RGS6: variants seen among roughly 807,000 people sequenced by gnomAD.
The protein encoded by RGS6 is regulator of G-protein signaling 6.
Under a neutral mutation model 78.5 loss-of-function variants are expected in RGS6, and 30 were observed. That is an observed-to-expected ratio of 0.38 (90% CI 0.29 to 0.52). The LOEUF (loss-of-function observed/expected upper bound fraction) is 0.52. Ranked by LOEUF, RGS6 falls within the 20% of genes least tolerant of loss-of-function variation. The pLI, the probability that RGS6 is intolerant of heterozygous loss-of-function variation, is 0.85. For missense variants in RGS6, 495 were observed against 609.7 expected (o/e 0.81, Z 1.98); for synonymous variants, 206 against 206.0 (o/e 1.00, Z 0.00).
intron 3 of RGS6, among the ~76,000 whole-genome samples, chr14:72,359,207 G>A (rs1333214247): frequency 6.6e-6 from 1 of 151,458 alleles, no homozygotes; most frequent in Non-Finnish European, 1.5e-5. Flanking sequence ...TTTATTAGCA[G>A]CATGAGAACC....
At chr14:72,133,058 G>A (rs1311188502) in intron 2 of RGS6, among the ~76,000 whole-genome samples, 1 of 152,142 alleles carries the variant, frequency 6.6e-6, no homozygotes, top group Non-Finnish European at 1.5e-5. Flanking sequence ...CCAAGAAGAA[G>A]GAAACTGGGG....
intron 2 of RGS6, among the ~76,000 whole-genome samples, chr14:72,173,737 C>G (rs1186546439): frequency 6.6e-6 from 1 of 152,166 alleles, no homozygotes. Flanking sequence ...ATCTAAATAA[C>G]ATACTGGAAC....
At chr14:72,387,026 A>G (rs1294462394) in intron 3 of RGS6, among the ~76,000 whole-genome samples, 1 of 152,156 alleles carries the variant, frequency 6.6e-6, no homozygotes, top group Non-Finnish European at 1.5e-5. Context: ...ACGGTTACCA[A>G]CACTCATCAA....
intron 3 of RGS6, 124 bp downstream of exon 3, chr14:72,352,318 C>T (rs2152740880): frequency 1.5e-6 from 1 of 652,838 alleles, no homozygotes; most frequent in African/African-American, 1.8e-5. Flanking sequence ...CAGTGTGTTT[C>T]TTGACTCAGG....
At chr14:71,873,031 T>C in the RGS6 span, among the ~76,000 whole-genome samples, 1 of 152,182 alleles carries the variant, frequency 6.6e-6, no homozygotes, top group Non-Finnish European at 1.5e-5. Flanking sequence ...TTTCTTAATC[T>C]AGTCTATCAT....
chr14:72,147,472 G>C (rs2096621134), intron 2 of RGS6, among the ~76,000 whole-genome samples: 1 of 152,146 alleles, frequency 6.6e-6, no homozygotes, highest in African/African-American at 2.4e-5. Flanking sequence ...ACAAAAGAGG[G>C]CCGAACTCAC....
chr14:72,142,532 C>G (rs2096554798), intron 2 of RGS6, among the ~76,000 whole-genome samples: 1 of 152,214 alleles, frequency 6.6e-6, no homozygotes, highest in Non-Finnish European at 1.5e-5. Context: ...CCATGTGTTT[C>G]TCTGATTTAT....
intron 2 of RGS6, among the ~76,000 whole-genome samples, chr14:72,329,402 G>A (rs567775587): frequency 9.5e-4 from 145 of 152,382 alleles, no homozygotes; most frequent in African/African-American, 3.5e-3. Context: ...GGTGGGCAAG[G>A]CAGCATGCCA....
intron 2 of RGS6, among the ~76,000 whole-genome samples, chr14:72,072,011 A>G (rs750087368): frequency 9.9e-5 from 15 of 152,150 alleles, no homozygotes; most frequent in Non-Finnish European, 1.3e-4. Flanking sequence ...AAATTTTTTT[A>G]ACCTTAGTAC....
chr14:72,359,529 G>T (rs1340767045), intron 3 of RGS6, among the ~76,000 whole-genome samples: 1 of 152,070 alleles, frequency 6.6e-6, no homozygotes, highest in Non-Finnish European at 1.5e-5. Context: ...GTCTGTGCTG[G>T]GTTCATAAGC....
chr14:72,576,482 A>C, the RGS6 span, among the ~76,000 whole-genome samples: 1 of 152,244 alleles, frequency 6.6e-6, no homozygotes, highest in African/African-American at 2.4e-5. Context: ...GACAGATTGC[A>C]ACACATCTGT....
At chr14:72,155,319 A>G (rs2096754663) in intron 2 of RGS6, among the ~76,000 whole-genome samples, 1 of 152,212 alleles carries the variant, frequency 6.6e-6, no homozygotes, top group African/African-American at 2.4e-5. Flanking sequence ...GGCCGAGGTT[A>G]ACATCAGATA....
intron 2 of RGS6, among the ~76,000 whole-genome samples, chr14:72,041,923 G>C (rs1032142624): frequency 2.6e-5 from 4 of 152,006 alleles, no homozygotes; most frequent in Admixed American, 1.3e-4. Flanking sequence ...GGGGTCAGTA[G>C]ATAAGATTCC....
At chr14:72,234,796 T>G (rs2050572808) in intron 2 of RGS6, among the ~76,000 whole-genome samples, 1 of 152,154 alleles carries the variant, frequency 6.6e-6, no homozygotes, top group African/African-American at 2.4e-5. Flanking sequence ...TCATCTTCCT[T>G]TGAGAGCAAG....
chr14:72,016,864 G>A (rs1025742995), intron 2 of RGS6, among the ~76,000 whole-genome samples: 1 of 152,180 alleles, frequency 6.6e-6, no homozygotes, highest in South Asian at 2.1e-4. Flanking sequence ...TACTCAGATG[G>A]TTTACAGATA....
At chr14:72,381,370 T>C (rs1243560913) in intron 3 of RGS6, among the ~76,000 whole-genome samples, 1 of 152,126 alleles carries the variant, frequency 6.6e-6, no homozygotes, top group Non-Finnish European at 1.5e-5. Flanking sequence ...ATCTGATCAC[T>C]ATGCATTATA....
chr14:72,369,659 GA>G (rs2083083380), intron 3 of RGS6, among the ~76,000 whole-genome samples: 1 of 151,962 alleles, frequency 6.6e-6, no homozygotes, highest in Non-Finnish European at 1.5e-5. Context: ...TATTAATTTT[GA>G]AAGCAAATTA....
intron 2 of RGS6, among the ~76,000 whole-genome samples, chr14:71,979,135 C>A (rs1362772556): frequency 7.4e-5 from 11 of 148,430 alleles, no homozygotes; most frequent in Non-Finnish European, 7.5e-5. Context: ...TTTATTGTGT[C>A]TATTTGATTC....
intron 12 of RGS6, among the ~76,000 whole-genome samples, chr14:72,489,047 ACC>A (rs931462772): frequency 6.6e-6 from 1 of 151,730 alleles, no homozygotes. Context: ...AAGAGGTCCT[ACC>A]TTTTGCCTTG....
Sources: gnomAD v4.1 joint callset for allele counts (sites outside exome capture counted in the v4.1 genomes callset) on GRCh38, gnomAD v4.1.1 for gene constraint, MANE v1.5 for transcripts, NCBI Gene and HGNC (gene_info 2026-07-23, HGNC 2026-07-21) for gene names.